The following PDE11A variants were observed in gnomAD, a reference collection of about 807,000 sequenced individuals.
The protein encoded by PDE11A is phosphodiesterase 11A.
PDE11A carries 100 observed loss-of-function variants against 100.5 expected under a neutral mutation model. That is an observed-to-expected ratio of 1.00 (90% confidence interval 0.85 to 1.18). The LOEUF is 1.18. Ranked by LOEUF, PDE11A falls within the 50% of genes most tolerant of loss-of-function variation. The pLI, the probability that PDE11A is intolerant of heterozygous loss-of-function variation, is 0.00. For missense variants in PDE11A, 1,141 were observed against 1,152.6 expected (o/e 0.99, Z 0.15); for synonymous variants, 381 against 420.8 (o/e 0.91, Z 1.16).
At chr2:177,850,176 C>T (rs1006891099) in intron 5 of PDE11A, among the ~76,000 whole-genome samples, 4 of 152,058 alleles carry the variant, frequency 2.6e-5, no homozygotes, top group Non-Finnish European at 4.4e-5. Context: ...GGTACTGGTA[C>T]CAAAACAGAG....
chr2:177,635,027 C>T (rs560388402), intron 19 of PDE11A, among the ~76,000 whole-genome samples: 2 of 152,304 alleles, frequency 1.3e-5, no homozygotes, highest in South Asian at 4.1e-4. Flanking sequence ...CTCAAGACAC[C>T]TGACTCTCCT....
chr2:178,074,021 A>G (rs1299652248), upstream of PDE11A, among the ~76,000 whole-genome samples: 1 of 152,198 alleles, frequency 6.6e-6, no homozygotes, highest in African/African-American at 2.4e-5. Context: ...ATAACTCCAT[A>G]CAATGGAATA....
At chr2:177,758,245 C>T (rs937069589) in intron 10 of PDE11A, among the ~76,000 whole-genome samples, 3 of 142,970 alleles carry the variant, frequency 2.1e-5, no homozygotes, top group East Asian at 4.1e-4. Flanking sequence ...TGCAGTGAGC[C>T]GAGATGGCGC....
chr2:177,656,518 C>T (rs768386914), intron 19 of PDE11A, among the ~76,000 whole-genome samples: 11 of 151,474 alleles, frequency 7.3e-5, no homozygotes, highest in Non-Finnish European at 1.3e-4. Context: ...AACTAAATGA[C>T]ATTATAAGCT....
chr2:177,985,071 A>G (rs2085925503), intron 2 of PDE11A, among the ~76,000 whole-genome samples: 1 of 152,208 alleles, frequency 6.6e-6, no homozygotes, highest in Admixed American at 6.5e-5. Context: ...GCTATCTCCA[A>G]CCAGTTGCTC....
At chr2:177,658,196 T>A (rs1481536428) in intron 19 of PDE11A, among the ~76,000 whole-genome samples, 2 of 152,050 alleles carry the variant, frequency 1.3e-5, no homozygotes, top group Admixed American at 6.5e-5. Context: ...GGTCACAAAA[T>A]CATCACAACC....
intron 2 of PDE11A, among the ~76,000 whole-genome samples, chr2:177,912,940 T>C (rs1201298573): frequency 6.6e-6 from 1 of 152,120 alleles, no homozygotes; most frequent in East Asian, 1.9e-4. Context: ...GGAAAGTAGA[T>C]TAGTGGTTGC....
chr2:177,648,596 C>T (rs1029515321), intron 19 of PDE11A, among the ~76,000 whole-genome samples: 6 of 133,288 alleles, frequency 4.5e-5, no homozygotes, highest in African/African-American at 2.3e-4. Context: ...AATAAGAATA[C>T]CTAGAAAATA....
intron 2 of PDE11A, among the ~76,000 whole-genome samples, chr2:177,990,098 T>A (rs2085984956): frequency 6.6e-6 from 1 of 152,150 alleles, no homozygotes; most frequent in African/African-American, 2.4e-5. Flanking sequence ...ACCAACATAC[T>A]TTTTCCTTTG....
At chr2:178,078,284 T>C (rs534130093) in intron 2 of PDE11A, among the ~76,000 whole-genome samples, 4 of 152,282 alleles carry the variant, frequency 2.6e-5, no homozygotes, top group African/African-American at 9.6e-5. Context: ...GTCCTATGTG[T>C]CCTGCTTCCA....
chr2:177,820,176 T>G (rs1158191163), intron 7 of PDE11A, 44 bp downstream of exon 7: 1 of 1,032,978 alleles, frequency 9.7e-7, no homozygotes, highest in Non-Finnish European at 1.5e-6. Flanking sequence ...AGCAAACTTC[T>G]GTTTCTTTAT....
At chr2:177,895,072 C>A (rs772379662) in intron 4 of PDE11A, among the ~76,000 whole-genome samples, 25 of 151,774 alleles carry the variant, frequency 1.6e-4, no homozygotes, top group Non-Finnish European at 3.2e-4. Context: ...TCAGAATAAG[C>A]CTGTTTACCT....
chr2:178,033,942 A>T (rs1310975326), intron 1 of PDE11A, among the ~76,000 whole-genome samples: 1 of 152,248 alleles, frequency 6.6e-6, no homozygotes, highest in Non-Finnish European at 1.5e-5. Flanking sequence ...CTGCAAAAAC[A>T]CACCAAAATA....
chr2:178,007,129 A>C (rs1199862667), intron 2 of PDE11A, among the ~76,000 whole-genome samples: 1 of 152,226 alleles, frequency 6.6e-6, no homozygotes, highest in Non-Finnish European at 1.5e-5. Flanking sequence ...TAAGAAGAGA[A>C]GTGAATGTTT....
intron 10 of PDE11A, among the ~76,000 whole-genome samples, chr2:177,751,278 T>C (rs1466069675): frequency 6.6e-6 from 1 of 150,988 alleles, no homozygotes; most frequent in Non-Finnish European, 1.5e-5. Context: ...CACTTCCTTC[T>C]CCTTGGTGGT....
chr2:177,774,853 A>T (rs2082357412), intron 9 of PDE11A, among the ~76,000 whole-genome samples: 1 of 152,208 alleles, frequency 6.6e-6, no homozygotes, highest in African/African-American at 2.4e-5. Flanking sequence ...GAATCTGTGT[A>T]TATGATATGT....
intron 2 of PDE11A, among the ~76,000 whole-genome samples, chr2:177,935,833 A>T (rs974840097): frequency 7.2e-5 from 11 of 152,196 alleles, no homozygotes; most frequent in South Asian, 2.1e-4. Context: ...AGTAATAGGG[A>T]TCTTAGCCCC....
In PDE11A at chr2:177,631,654, TGTATATATATACAC is replaced by T. The variant is rs1310146517; in HGVS notation, c.2647-2106_2647-2093del. On this transcript the variant is annotated intron_variant, in intron 19 of 19. Coordinates refer to ENST00000286063, the MANE Select transcript of PDE11A (RefSeq NM_016953.4). ...GTATATATATACATATATATGTGTGTGTATATATATACACATATATATATGGTATTTTATAATCT... is the reference window on the plus strand; with the variant it reads ...GTATATATATACATATATATGTGTGTATATATATATGGTATTTTATAATCT... Among the ~76,000 whole-genome samples, 90 of 139,866 alleles carry T rather than the reference TGTATATATATACAC, an allele frequency of 6.4e-4. 1 individual carries two copies. The highest frequency in any genetic ancestry group is 5.8e-3 in the East Asian group (29 of 5,016). 91.8% of individuals were successfully genotyped at this position (139,866 alleles called of 152,430 possible). A position where few individuals can be genotyped will look rare whatever the true frequency, so the allele number is the denominator to read the frequency against.
At chr2:177,764,667 C>G (rs2082215159) in intron 10 of PDE11A, among the ~76,000 whole-genome samples, 1 of 152,182 alleles carries the variant, frequency 6.6e-6, no homozygotes, top group South Asian at 2.1e-4. Context: ...CCTGTTAGCA[C>G]AGAGCTGCAG....
Sources: gnomAD v4.1 joint callset for allele counts (sites outside exome capture counted in the v4.1 genomes callset) on GRCh38, gnomAD v4.1.1 for gene constraint, MANE v1.5 for transcripts, NCBI Gene and HGNC (gene_info 2026-07-23, HGNC 2026-07-21) for gene names.